FGF13: variants seen among roughly 807,000 people sequenced by gnomAD.
FGF13 encodes the protein fibroblast growth factor homologous factor 2.
A neutral mutation model predicts 19.5 loss-of-function variants in FGF13; 2 were observed. That is an observed-to-expected ratio of 0.10 (90% CI 0.04 to 0.32). FGF13 has a LOEUF of 0.32. FGF13 is among the 10% of genes least tolerant of loss of function. The probability of loss-of-function intolerance (pLI) is 1.00; values close to 1 mark genes in which losing one functional copy is unlikely to be tolerated. For synonymous variants in FGF13, 72 were observed against 76.9 expected (o/e 0.94, Z 0.33); for missense variants, 113 against 192.7 (o/e 0.59, Z 2.45).
intron 1 of FGF13, among the ~76,000 whole-genome samples, chrX:139,093,586 G>A (rs1194330635): frequency 1.8e-5 from 2 of 110,943 alleles, no homozygotes; most frequent in Non-Finnish European, 3.8e-5. Flanking sequence ...GGATGTTAAA[G>A]GAAGATGTGA....
intron 3 of FGF13, among the ~76,000 whole-genome samples, chrX:138,783,928 A>G (rs1420533741): frequency 3.7e-5 from 4 of 106,901 alleles, no homozygotes; most frequent in African/African-American, 1.4e-4. Context: ...ATGTCCAACA[A>G]TGATAGACTG....
intron 1 of FGF13, among the ~76,000 whole-genome samples, chrX:139,065,492 AAAAG>A (rs2092352242): frequency 1.1e-5 from 1 of 92,966 alleles, no homozygotes; most frequent in Non-Finnish European, 2.0e-5. Flanking sequence ...AAAAAAAAAA[AAAAG>A]AAAAAGAAAA....
intron 1 of FGF13, among the ~76,000 whole-genome samples, chrX:139,079,179 G>A (rs1428695861): frequency 9.0e-6 from 1 of 111,421 alleles, no homozygotes; most frequent in Non-Finnish European, 1.9e-5. Flanking sequence ...GATGGATATA[G>A]GAGATGATGA....
chrX:138,956,956 G>C, intron 1 of FGF13, among the ~76,000 whole-genome samples: 1 of 111,606 alleles, frequency 9.0e-6, no homozygotes, highest in Non-Finnish European at 1.9e-5. Context: ...AGATTATCAA[G>C]AGTCAATGAT....
intron 1 of FGF13, among the ~76,000 whole-genome samples, chrX:138,975,357 A>C (rs1447535051): frequency 8.9e-6 from 1 of 112,066 alleles, no homozygotes; most frequent in Admixed American, 9.5e-5. Flanking sequence ...ACTGGAATCC[A>C]AACTCAGGAT....
intron 3 of FGF13, among the ~76,000 whole-genome samples, chrX:138,763,471 C>T (rs2090481786): frequency 1.8e-5 from 2 of 111,907 alleles, no homozygotes; most frequent in South Asian, 3.7e-4. Context: ...TGCACAAAAG[C>T]GTGGCTTGTT....
In FGF13 at chrX:138,696,524, G is replaced by A. The variant is rs192205595; in HGVS notation, c.402+6460C>T. On this transcript the variant is annotated intron_variant, in intron 3 of 4. Coordinates refer to ENST00000315930, the MANE Select transcript of FGF13 (RefSeq NM_004114.5). Reference sequence around the variant, plus strand: ...TCATTCAAGCTGTTTAAAAAAAGAAGGAGGTAATAGATAATGGAAAAGCGG... The same window carrying A: ...TCATTCAAGCTGTTTAAAAAAAGAAAGAGGTAATAGATAATGGAAAAGCGG... Among the ~76,000 whole-genome samples the A allele has an allele frequency of 4.0e-3, 445 of 111,818 alleles. 1 individual carries two copies. The highest frequency in any genetic ancestry group is 0.014 in the African/African-American group (418 of 30,785).
At chrX:138,860,831 C>G (rs187396290) in intron 2 of FGF13, among the ~76,000 whole-genome samples, 1 of 112,234 alleles carries the variant, frequency 8.9e-6, no homozygotes, top group Non-Finnish European at 1.9e-5. Flanking sequence ...AAAGAACAGG[C>G]CTTTGGGGGG....
intron 1 of FGF13, among the ~76,000 whole-genome samples, chrX:139,190,261 C>T (rs2084314396): frequency 9.0e-6 from 1 of 111,545 alleles, no homozygotes; most frequent in Non-Finnish European, 1.9e-5. Flanking sequence ...TTCTGTAGTT[C>T]AACTTGGATT....
Position 138,631,946 on chromosome X carries a change from A to G in FGF13, c.*904T>C, listed in dbSNP as rs757536081. 6.2e-5 allele frequency: 7 copies of G among 112,177 alleles called. No individual in the cohort carries two copies. The South Asian group carries it at 1.8e-3, about 30-fold the overall frequency. 9.2% of individuals were successfully genotyped at this position (112,177 alleles called of 1,213,427 possible). A position where few individuals can be genotyped will look rare whatever the true frequency, so the allele number is the denominator to read the frequency against. ...CAGGAAGACTCATACATATACAGAT[A>G]AGACATTTCTTATTTTAACAACACA... On this transcript the variant is annotated 3_prime_UTR_variant, in exon 5 of 5. Coordinates refer to ENST00000315930, the MANE Select transcript of FGF13 (RefSeq NM_004114.5).
intron 1 of FGF13, among the ~76,000 whole-genome samples, chrX:139,146,038 C>G (rs926862157): frequency 9.0e-6 from 1 of 111,688 alleles, no homozygotes; most frequent in African/African-American, 3.3e-5. Flanking sequence ...CTAGGCAATA[C>G]CATTCAGGAC....
In FGF13 at chrX:138,815,739, G is replaced by A. The variant is rs573072667; in HGVS notation, c.217+41773C>T. ...TACATATGTAACTAACCTGCACAAT[G>A]TGCACATGTACCCTAAAACTTAAAG... On this transcript the variant is annotated intron_variant, in intron 3 of 6. Coordinates refer to the FGF13 transcript ENST00000436198. 4.6e-5 allele frequency among the ~76,000 whole-genome samples: 5 copies of A among 109,091 alleles called. No homozygotes were observed. The East Asian group carries it at 8.6e-4, about 19-fold the overall frequency. 94.7% of individuals were successfully genotyped at this position (109,091 alleles called of 115,157 possible). A position where few individuals can be genotyped will look rare whatever the true frequency, so the allele number is the denominator to read the frequency against.
chrX:138,957,509 T>A (rs998753481), intron 1 of FGF13, among the ~76,000 whole-genome samples: 1 of 111,879 alleles, frequency 8.9e-6, no homozygotes, highest in African/African-American at 3.2e-5. Context: ...ATGCAGGCTC[T>A]TTTTTGGTTC....
chrX:138,676,779 G>A (rs1160628632), intron 3 of FGF13, among the ~76,000 whole-genome samples: 2 of 112,095 alleles, frequency 1.8e-5, no homozygotes, highest in Non-Finnish European at 3.8e-5. Context: ...GACAGGAGGC[G>A]GAGCTCAGGT....
intron 1 of FGF13, among the ~76,000 whole-genome samples, chrX:139,024,202 T>TC (rs2092191754): frequency 9.0e-6 from 1 of 111,320 alleles, no homozygotes; most frequent in Non-Finnish European, 1.9e-5. Flanking sequence ...ACCAAAAGTC[T>TC]CCCCTGTAAG....
chrX:138,962,929 G>A (rs1263424029), intron 1 of FGF13, among the ~76,000 whole-genome samples: 2 of 111,219 alleles, frequency 1.8e-5, no homozygotes, highest in African/African-American at 6.6e-5. Context: ...CACCAACATG[G>A]CACATGTATA....
intron 3 of FGF13, among the ~76,000 whole-genome samples, chrX:138,781,413 C>T (rs1468975541): frequency 2.3e-4 from 25 of 110,188 alleles, no homozygotes; most frequent in Non-Finnish European, 3.0e-4. Context: ...AATTGATAGA[C>T]CACTAGCAAG....
intron 1 of FGF13, among the ~76,000 whole-genome samples, chrX:138,954,096 G>A (rs72616254): frequency 1.2e-4 from 1 of 8,376 alleles, no homozygotes; most frequent in Admixed American, 1.2e-3. Flanking sequence ...TAAATTTAAC[G>A]AGAGAGAGAG....
chrX:138,850,835 G>A (rs1309310978), intron 3 of FGF13, among the ~76,000 whole-genome samples: 4 of 111,681 alleles, frequency 3.6e-5, no homozygotes, highest in Admixed American at 1.9e-4. Flanking sequence ...AACCATCACC[G>A]AAATATTAAG....
Sources: allele counts gnomAD v4.1 joint callset (sites outside exome capture counted in the v4.1 genomes callset), GRCh38; gene constraint gnomAD v4.1.1; transcripts MANE v1.5; gene names NCBI Gene and HGNC (gene_info 2026-07-23, HGNC 2026-07-21).